Variants in ZMAT4 observed in about 807,000 individuals in gnomAD.
ZMAT4 encodes the protein zinc finger matrin-type protein 4.
Under a neutral mutation model 28.7 loss-of-function variants are expected in ZMAT4, and 17 were observed. The observed-to-expected ratio is 0.59, with a 90% CI of 0.41 to 0.89. The LOEUF is 0.89. Ranked by LOEUF, ZMAT4 falls within the 40% of genes least tolerant of loss-of-function variation. The pLI is 0.00. For missense variants in ZMAT4, 240 were observed against 283.8 expected, an observed-to-expected ratio of 0.85 and a Z score of 1.11; for synonymous variants, 117 against 109.2, an observed-to-expected ratio of 1.07 and a Z score of -0.44.
intron 1 of ZMAT4, among the ~76,000 whole-genome samples, chr8:40,859,515 C>T (rs1395373616): frequency 2.6e-5 from 4 of 152,088 alleles, no homozygotes; most frequent in Non-Finnish European, 5.9e-5. Context: ...AGTTAATTAT[C>T]GGACAAGGGG....
At chr8:40,801,727 A>G (rs1814859562) in intron 2 of ZMAT4, among the ~76,000 whole-genome samples, 1 of 152,122 alleles carries the variant, frequency 6.6e-6, no homozygotes, top group Non-Finnish European at 1.5e-5. Flanking sequence ...AACTCCTTCT[A>G]TGAGGCCAGC....
chr8:40,703,059 A>G (rs1010654373), intron 3 of ZMAT4, among the ~76,000 whole-genome samples: 4 of 152,228 alleles, frequency 2.6e-5, no homozygotes, highest in Admixed American at 1.3e-4. Flanking sequence ...AGAAACACAC[A>G]CAAAACAAGG....
intron 3 of ZMAT4, among the ~76,000 whole-genome samples, chr8:40,746,230 TCCCTCCCTCCCTC>T (rs1812210690): frequency 3.0e-4 from 3 of 10,022 alleles, no homozygotes; most frequent in South Asian, 7.6e-3. Context: ...CTTCCCTCCC[TCCCTCCCTCCCTC>T]CCTCCCTCCC....
At chr8:40,686,228 T>A (rs1809399913) in intron 4 of ZMAT4, among the ~76,000 whole-genome samples, 1 of 151,688 alleles carries the variant, frequency 6.6e-6, no homozygotes, top group Admixed American at 6.6e-5. Flanking sequence ...AAAAAAAAAA[T>A]CACAGGCGAG....
intron 6 of ZMAT4, among the ~76,000 whole-genome samples, chr8:40,540,677 C>G (rs1242576562): frequency 3.3e-5 from 5 of 152,194 alleles, no homozygotes; most frequent in African/African-American, 1.2e-4. Flanking sequence ...CATCCTGGGA[C>G]CCTCAGAGCT....
intron 3 of ZMAT4, among the ~76,000 whole-genome samples, chr8:40,761,484 C>T (rs991687145): frequency 6.6e-5 from 10 of 152,022 alleles, no homozygotes; most frequent in Admixed American, 2.0e-4. Flanking sequence ...AAAGCTTTTG[C>T]CTTGGGGAAG....
intron 4 of ZMAT4, among the ~76,000 whole-genome samples, chr8:40,689,705 T>A (rs1489644745): frequency 1.3e-5 from 2 of 151,966 alleles, no homozygotes; most frequent in African/African-American, 2.4e-5. Flanking sequence ...GCTTGTAGTT[T>A]TTTTTTGAAT....
chr8:40,628,596 C>A (rs765332715), intron 5 of ZMAT4, among the ~76,000 whole-genome samples: 3 of 151,990 alleles, frequency 2.0e-5, no homozygotes, highest in African/African-American at 4.8e-5. Flanking sequence ...GTGTAGAAAG[C>A]TGTGGTCGAG....
intron 1 of ZMAT4, among the ~76,000 whole-genome samples, chr8:40,877,698 G>A (rs1818087730): frequency 6.6e-6 from 1 of 152,198 alleles, no homozygotes; most frequent in Non-Finnish European, 1.5e-5. Flanking sequence ...GTGTGTGTGT[G>A]TAGAGGGAAA....
At chr8:40,821,022 CGTGT>C (rs1815806489) in intron 2 of ZMAT4, among the ~76,000 whole-genome samples, 1 of 117,778 alleles carries the variant, frequency 8.5e-6, no homozygotes, top group African/African-American at 3.3e-5. Flanking sequence ...TTTATGGGTG[CGTGT>C]GTATGTGTAT....
intron 5 of ZMAT4, among the ~76,000 whole-genome samples, chr8:40,585,137 G>GT (rs1804625169): frequency 6.6e-6 from 1 of 152,028 alleles, no homozygotes. Context: ...AGCTAGCTTT[G>GT]TTTTTGTTTT....
intron 5 of ZMAT4, among the ~76,000 whole-genome samples, chr8:40,591,609 C>T (rs988556645): frequency 3.6e-5 from 5 of 139,886 alleles, no homozygotes; most frequent in Admixed American, 2.1e-4. Flanking sequence ...TCAAAAGATG[C>T]AGAAAAAACA....
At chr8:40,699,431 G>T (rs978944123) in intron 3 of ZMAT4, among the ~76,000 whole-genome samples, 3 of 152,086 alleles carry the variant, frequency 2.0e-5, no homozygotes, top group Admixed American at 6.6e-5. Flanking sequence ...ACTATCATGT[G>T]ATCCAGAAAT....
intron 6 of ZMAT4, among the ~76,000 whole-genome samples, chr8:40,542,614 C>T (rs190067621): frequency 3.8e-4 from 58 of 152,116 alleles, no homozygotes; most frequent in Non-Finnish European, 7.4e-4. Flanking sequence ...GTCTCCAACT[C>T]CTGGCCTCAA....
intron 3 of ZMAT4, among the ~76,000 whole-genome samples, chr8:40,742,668 A>T (rs1007652327): frequency 3.3e-5 from 5 of 151,966 alleles, no homozygotes; most frequent in Non-Finnish European, 7.4e-5. Flanking sequence ...TACATTCTTG[A>T]AGAATCTATT....
chr8:40,741,511 A>C (rs1812002710), intron 3 of ZMAT4, among the ~76,000 whole-genome samples: 1 of 152,154 alleles, frequency 6.6e-6, no homozygotes, highest in Non-Finnish European at 1.5e-5. Context: ...ATCTGTATTA[A>C]TGAAAGAAAT....
At chr8:40,745,099 A>G (rs1486146950) in intron 3 of ZMAT4, among the ~76,000 whole-genome samples, 1 of 152,208 alleles carries the variant, frequency 6.6e-6, no homozygotes, top group African/African-American at 2.4e-5. Flanking sequence ...ACAAAGATGA[A>G]GCCAGCAGTG....
At chr8:40,731,669 C>T (rs1052817414) in intron 3 of ZMAT4, among the ~76,000 whole-genome samples, 1 of 152,152 alleles carries the variant, frequency 6.6e-6, no homozygotes, top group African/African-American at 2.4e-5. Flanking sequence ...CACTTGAAAA[C>T]AGCTGTCGTA....
chr8:40,671,298 T>A (rs866747630), intron 5 of ZMAT4, among the ~76,000 whole-genome samples: 47 of 152,300 alleles, frequency 3.1e-4, no homozygotes, highest in Middle Eastern at 3.4e-3. Flanking sequence ...ATGCAACTTA[T>A]GACCCAGCAA....
Sources: allele counts gnomAD v4.1 joint callset (sites outside exome capture counted in the v4.1 genomes callset), GRCh38; gene constraint gnomAD v4.1.1; transcripts MANE v1.5; gene names NCBI Gene and HGNC (gene_info 2026-07-23, HGNC 2026-07-21).